The following EVL variants were observed in gnomAD, a reference collection of about 807,000 sequenced individuals.
EVL encodes the protein ena/VASP-like protein.
In EVL, 21 loss-of-function variants were observed where a neutral mutation model predicts 59.6. The ratio of observed to expected loss-of-function variants is 0.35; its 90% confidence interval spans 0.25 to 0.51. The LOEUF (loss-of-function observed/expected upper bound fraction) is 0.51, where lower values mean the gene tolerates loss of function less well. Ranked by LOEUF, EVL falls within the 20% of genes least tolerant of loss-of-function variation. The probability of loss-of-function intolerance (pLI) is 0.97; values close to 1 mark genes in which losing one functional copy is unlikely to be tolerated. For synonymous variants in EVL, 198 were observed against 203.5 expected (o/e 0.97, Z 0.23); for missense variants, 462 against 546.6 (o/e 0.85, Z 1.54).
At position 100,109,462 on chromosome 14, in the gene EVL, GTGTC is replaced by G; in HGVS notation, c.358+11808_358+11811del. The stretch of plus-strand genomic sequence containing the variant: ...TAGACTGTGAGCTCCTCGAGGGCAG[GTGTC>G]TGTTTCTGTGTCTCGGGAGCCCTGA... On this transcript the variant is annotated intron_variant, in intron 3 of 13. Transcript: ENST00000392920. This position sits in a 1 kb window ranked among gnomAD's most constrained non-coding sequence, Gnocchi z 4.3. 1 of 404,726 alleles carries G rather than the reference GTGTC, an allele frequency of 2.5e-6. No homozygotes were observed. The highest frequency in any genetic ancestry group is 5.0e-6 in the Non-Finnish European group (1 of 199,364). The allele number at this position is 404,726 out of a possible 1,614,324, so 25.1% of individuals were successfully genotyped here.
rs1288535663 is a variant in EVL, at chr14:99,972,379, AC to A, written c.5+327del. Among the ~76,000 whole-genome samples the A allele has an allele frequency of 3.3e-5, 5 of 151,196 alleles. No individual in the cohort carries two copies. The highest frequency in any genetic ancestry group is 5.9e-5 in the Non-Finnish European group (4 of 67,762). On this transcript the variant is annotated intron_variant, in intron 1 of 13. Transcript: ENST00000402714. This position sits in a 1 kb window ranked among gnomAD's most constrained non-coding sequence, Gnocchi z 4.4. ...GGGCCTGCGGCGGCCTGGGAGGCAG[AC>A]CCCCGCGGGCAGGTGTGGCCGTGTC...
At chr14:100,025,062 T>C (rs1195045373) in intron 1 of EVL, among the ~76,000 whole-genome samples, 1 of 152,180 alleles carries the variant, frequency 6.6e-6, no homozygotes, top group East Asian at 1.9e-4. Flanking sequence ...TGCAGTAGCA[T>C]TGTAACTGCC....
chr14:100,126,988 A>C (rs1022736242), intron 5 of EVL, among the ~76,000 whole-genome samples: 4 of 152,200 alleles, frequency 2.6e-5, no homozygotes, highest in African/African-American at 9.6e-5. Context: ...CTACCTGCCA[A>C]CCTTCTCCGG....
Position 100,135,979 on chromosome 14 carries a change from G to GC in EVL, c.964+17dup, listed in dbSNP as rs778980533. 30 of 1,612,984 alleles carry GC rather than the reference G, an allele frequency of 1.9e-5. No homozygotes were observed. Among genetic ancestry groups the GC allele is most frequent in the East Asian group, 4.5e-5 (2 of 44,876 alleles). On this transcript the variant is annotated intron_variant, in intron 9 of 13. Transcript: ENST00000392920. Reference sequence around the variant, plus strand: ...CACCTAACTCCTCAGGTGAGAGGGCGCCCCCCGCTGACCCCAGTGAGGCAT... The same window carrying GC: ...CACCTAACTCCTCAGGTGAGAGGGCGCCCCCCCGCTGACCCCAGTGAGGCAT...
intron 1 of EVL, among the ~76,000 whole-genome samples, chr14:100,047,934 T>C (rs944173378): frequency 2.0e-5 from 3 of 152,148 alleles, no homozygotes; most frequent in African/African-American, 7.2e-5. Context: ...AAGAAGTGAA[T>C]TTTGGCCTAA....
At chr14:99,977,761 A>G (rs1030649155) in intron 1 of EVL, among the ~76,000 whole-genome samples, 3 of 151,984 alleles carry the variant, frequency 2.0e-5, no homozygotes, top group African/African-American at 7.3e-5. Context: ...AGTCTACAGT[A>G]GCATAAGAGC....
At chr14:100,084,118 C>CT (rs1187478953) in intron 1 of EVL, among the ~76,000 whole-genome samples, 2 of 144,704 alleles carry the variant, frequency 1.4e-5, no homozygotes, top group African/African-American at 5.3e-5. Context: ...GTGGTGCAAT[C>CT]TTGGCTCACT....
chr14:100,082,739 C>T (rs1011766649), intron 1 of EVL, among the ~76,000 whole-genome samples: 19 of 152,150 alleles, frequency 1.2e-4, no homozygotes, highest in Admixed American at 3.9e-4. Context: ...CAAAAGTCTG[C>T]GAAAGGAGAA....
chr14:100,085,022 G>A (rs1309401741), intron 2 of EVL, 167 bp downstream of exon 2: 3 of 655,106 alleles, frequency 4.6e-6, no homozygotes, highest in East Asian at 2.8e-5. Context: ...TTCAAAGTAT[G>A]ACACCTTAAG....
chr14:100,051,282 C>T (rs972841065), intron 1 of EVL, among the ~76,000 whole-genome samples: 4 of 152,194 alleles, frequency 2.6e-5, no homozygotes, highest in Non-Finnish European at 5.9e-5. Flanking sequence ...CCATGCTGTC[C>T]ACGCTACCTG....
chr14:100,137,481 C>A, intron 9 of EVL, 97 bp from the exon 10 acceptor site: 1 of 1,326,098 alleles, frequency 7.5e-7, no homozygotes, highest in Non-Finnish European at 1.1e-6. Context: ...GCACCCTTGG[C>A]ATGGGTGAGG....
At position 100,141,218 on chromosome 14, in the gene EVL, A is replaced by G. The variant is rs912393099; in HGVS notation, c.1133A>G (p.Asp378Gly). Residue 378 changes from aspartate to glycine, a missense_variant, in exon 12 of 14, where the codon GAT (aspartate) becomes GGT (glycine). Asp to Gly is a moderately conservative substitution (Grantham distance 94). Transcript: ENST00000392920. ...GGGAGCGTGAATGACATGGCCCTGG[A>G]TGCCTTCGACTTGGACCGGATGAAG... ...PAGSVNDMAL[D>G]AFDLDRMKQE... The G allele has an allele frequency of 1.9e-6, 3 of 1,613,698 alleles. No individual in the cohort carries two copies. Among genetic ancestry groups the G allele is most frequent in the African/African-American group, 1.3e-5 (1 of 74,904 alleles).
intron 1 of EVL, among the ~76,000 whole-genome samples, chr14:99,979,144 TC>T (rs1434525106): frequency 6.6e-6 from 1 of 152,018 alleles, no homozygotes; most frequent in South Asian, 2.1e-4. Context: ...AACTAGACAC[TC>T]CCATCCCCCA....
At chr14:100,038,771 G>GGTGGGTGT (rs1555415166) in intron 1 of EVL, among the ~76,000 whole-genome samples, 2 of 140,916 alleles carry the variant, frequency 1.4e-5, no homozygotes, top group African/African-American at 5.2e-5. Context: ...TGTGCCCTGG[G>GGTGGGTGT]GTGTGTGTGT....
chr14:100,058,237 A>G (rs2061765591), intron 1 of EVL, among the ~76,000 whole-genome samples: 1 of 152,246 alleles, frequency 6.6e-6, no homozygotes, highest in Non-Finnish European at 1.5e-5. Context: ...GAGTCTGGAC[A>G]CATGGAAAGC....
At chr14:100,121,322 G>A (rs1207544676) in intron 3 of EVL, among the ~76,000 whole-genome samples, 3 of 152,158 alleles carry the variant, frequency 2.0e-5, no homozygotes, top group South Asian at 2.1e-4. Flanking sequence ...GCCGGGGGAC[G>A]GAGGAGGCCA....
At position 100,073,868 on chromosome 14, in the gene EVL, A is replaced by T. The variant is rs1250875720; in HGVS notation, c.11+8357A>T. ...AAAACCAAACCAAACAACCTGCCTC[A>T]TGGAGGCACTTGCCCCTCAGTTCAG... On this transcript the variant is annotated intron_variant, in intron 1 of 13. Transcript: ENST00000392920. 2.6e-5 allele frequency among the ~76,000 whole-genome samples: 4 copies of T among 152,184 alleles called. No homozygotes were observed. The East Asian group carries it at 7.7e-4, about 29-fold the overall frequency.
chr14:100,135,565 C>G (rs530427789), intron 8 of EVL: 5 of 290,902 alleles, frequency 1.7e-5, no homozygotes, highest in African/African-American at 1.1e-4. Context: ...CCACGGGGTG[C>G]TCATGAGAAG....
chr14:100,004,325 C>T (rs1190391150), intron 1 of EVL, among the ~76,000 whole-genome samples: 1 of 152,174 alleles, frequency 6.6e-6, no homozygotes, highest in Non-Finnish European at 1.5e-5. Flanking sequence ...TACTATTTCA[C>T]ACCTTTAAAA....
Sources: gnomAD v4.1 joint callset for allele counts (sites outside exome capture counted in the v4.1 genomes callset) on GRCh38, gnomAD v4.1.1 for gene constraint, Gnocchi (gnomAD v3.1) non-coding constraint, MANE v1.5 for transcripts, NCBI Gene and HGNC (gene_info 2026-07-23, HGNC 2026-07-21) for gene names.